The following ANO3 variants were observed in gnomAD, a reference collection of about 807,000 sequenced individuals.
ANO3 encodes the protein anoctamin-3.
In ANO3, 99 loss-of-function variants were observed where a neutral mutation model predicts 144.8. That is an observed-to-expected ratio of 0.68 (90% CI 0.58 to 0.81). The LOEUF (loss-of-function observed/expected upper bound fraction) is 0.81. Among genes scored for constraint, ANO3 ranks in the 30% least tolerant of loss-of-function variants. The pLI, the probability that ANO3 is intolerant of heterozygous loss-of-function variation, is 0.00. For missense variants in ANO3, 905 were observed against 1,202.2 expected, an observed-to-expected ratio of 0.75 and a Z score of 3.66; for synonymous variants, 414 against 392.6, an observed-to-expected ratio of 1.05 and a Z score of -0.64.
At chr11:26,565,881 T>A (rs780075430) in intron 14 of ANO3, 1 of 1,576,336 alleles carries the variant, frequency 6.3e-7, no homozygotes, top group Non-Finnish European at 8.5e-7. Flanking sequence ...TGGTATTGGT[T>A]TTTTTTTAAA....
chr11:26,446,126 A>G (rs1454798168), intron 3 of ANO3, among the ~76,000 whole-genome samples: 1 of 152,214 alleles, frequency 6.6e-6, no homozygotes, highest in African/African-American at 2.4e-5. Context: ...GCCACATAAT[A>G]TAAGTGTTTT....
intron 1 of ANO3, among the ~76,000 whole-genome samples, chr11:26,226,257 C>T (rs1852254906): frequency 6.6e-6 from 1 of 151,734 alleles, no homozygotes; most frequent in Non-Finnish European, 1.5e-5. Context: ...TAGTTAAATT[C>T]TGTGCTACCT....
chr11:26,523,700 C>G (rs116525982), intron 6 of ANO3, among the ~76,000 whole-genome samples: 2,167 of 152,226 alleles, frequency 0.014, 41 homozygotes, highest in African/African-American at 0.05. Flanking sequence ...TATAAGTGTT[C>G]TAAAAAGTAT....
intron 3 of ANO3, among the ~76,000 whole-genome samples, chr11:26,457,097 G>A (rs1859192753): frequency 9.1e-6 from 1 of 110,252 alleles, no homozygotes; most frequent in Admixed American, 1.1e-4. Flanking sequence ...AGGGGGGAGG[G>A]ATAGCATTGG....
chr11:26,602,209 A>G (rs1851816955), intron 17 of ANO3, among the ~76,000 whole-genome samples: 1 of 152,218 alleles, frequency 6.6e-6, no homozygotes, highest in African/African-American at 2.4e-5. Context: ...CCCTAAGGAA[A>G]TAATGGGAAG....
At chr11:26,447,953 A>G (rs1165477792) in intron 3 of ANO3, among the ~76,000 whole-genome samples, 1 of 152,204 alleles carries the variant, frequency 6.6e-6, no homozygotes, top group Non-Finnish European at 1.5e-5. Flanking sequence ...CAAGTGCCTG[A>G]TGCTTGATTC....
At chr11:26,193,811 A>G (rs1301310409) in intron 1 of ANO3, among the ~76,000 whole-genome samples, 1 of 152,296 alleles carries the variant, frequency 6.6e-6, no homozygotes, top group East Asian at 1.9e-4. Flanking sequence ...GAAGTTGCCT[A>G]CCTAGGAATG....
At chr11:26,374,463 T>C (rs1267247713) in intron 1 of ANO3, among the ~76,000 whole-genome samples, 2 of 152,198 alleles carry the variant, frequency 1.3e-5, no homozygotes, top group South Asian at 2.1e-4. Flanking sequence ...TTTTTTAATA[T>C]TGGTATCTTA....
chr11:26,496,105 C>T (rs1013694879), intron 4 of ANO3, among the ~76,000 whole-genome samples: 4 of 152,164 alleles, frequency 2.6e-5, no homozygotes, highest in Admixed American at 2.6e-4. Flanking sequence ...TTTTTTTTCC[C>T]ATTCTGTTTT....
At chr11:26,385,378 A>G (rs116493443) in intron 1 of ANO3, among the ~76,000 whole-genome samples, 1,750 of 152,330 alleles carry the variant, frequency 0.011, 35 homozygotes, top group African/African-American at 0.04. Context: ...GATATAAATT[A>G]TCTTACAGTT....
chr11:26,464,096 TATTA>T (rs1859513434), intron 4 of ANO3, among the ~76,000 whole-genome samples: 1 of 151,918 alleles, frequency 6.6e-6, no homozygotes, highest in South Asian at 2.1e-4. Flanking sequence ...CAAATATCTT[TATTA>T]GTCACCCACC....
chr11:26,571,391 AT>A (rs1195690805), intron 14 of ANO3, among the ~76,000 whole-genome samples: 1 of 152,112 alleles, frequency 6.6e-6, no homozygotes, highest in Non-Finnish European at 1.5e-5. Flanking sequence ...CCACATTTTC[AT>A]TTCATAGGAT....
At chr11:26,346,918 A>G (rs1053382094) in intron 1 of ANO3, among the ~76,000 whole-genome samples, 1 of 152,224 alleles carries the variant, frequency 6.6e-6, no homozygotes, top group Non-Finnish European at 1.5e-5. Flanking sequence ...TACAAATTTG[A>G]AAGCAAGCAA....
chr11:26,192,064 A>G (rs1049752267), intron 1 of ANO3, among the ~76,000 whole-genome samples: 1 of 152,148 alleles, frequency 6.6e-6, no homozygotes, highest in Non-Finnish European at 1.5e-5. Context: ...CATAAGGTAT[A>G]TTTGTTTAAG....
At chr11:26,209,142 C>T (rs1308555261) in intron 1 of ANO3, among the ~76,000 whole-genome samples, 2 of 152,166 alleles carry the variant, frequency 1.3e-5, no homozygotes, top group African/African-American at 2.4e-5. Flanking sequence ...CTATCCCTCC[C>T]CTAGCCTGCT....
At chr11:26,382,607 G>A (rs1856619600) in intron 1 of ANO3, among the ~76,000 whole-genome samples, 1 of 152,110 alleles carries the variant, frequency 6.6e-6, no homozygotes, top group Non-Finnish European at 1.5e-5. Flanking sequence ...TTCCTCTACT[G>A]TGGAGTTAGT....
rs573408487 is a variant in ANO3, at chr11:26,592,965, T to C, written c.1448-5400T>C. 7.7e-4 allele frequency among the ~76,000 whole-genome samples: 118 copies of C among 152,260 alleles called. 2 individuals are homozygous for C. In the South Asian group the frequency reaches 0.023, roughly 30 times the overall value. On this transcript the variant is annotated intron_variant, in intron 14 of 26. Coordinates refer to ENST00000256737, the MANE Select transcript of ANO3 (RefSeq NM_031418.4). ...GATTACTCCATATGAGGGGTCCTTC[T>C]ATAAGCATTTCTAATGGAGGGTACC... is the stretch of plus-strand genomic sequence containing the variant.
intron 14 of ANO3, chr11:26,561,154 A>G (rs189570280): frequency 6.8e-6 from 11 of 1,612,848 alleles, no homozygotes; most frequent in Admixed American, 3.3e-5. Context: ...GAATCATTCA[A>G]AGTTGGATTG....
intron 4 of ANO3, among the ~76,000 whole-genome samples, chr11:26,497,519 T>A (rs1861013828): frequency 6.6e-6 from 1 of 152,128 alleles, no homozygotes; most frequent in African/African-American, 2.4e-5. Context: ...TTTTTCTTTG[T>A]GTAATTTTTA....
Sources: gnomAD v4.1 joint callset for allele counts (sites outside exome capture counted in the v4.1 genomes callset) on GRCh38, gnomAD v4.1.1 for gene constraint, MANE v1.5 for transcripts, NCBI Gene and HGNC (gene_info 2026-07-23, HGNC 2026-07-21) for gene names.